Variants in TRHDE observed in about 807,000 individuals in gnomAD.
The protein encoded by TRHDE is thyrotropin releasing hormone degrading enzyme.
Under a neutral mutation model 125.7 loss-of-function variants are expected in TRHDE, and 72 were observed. The observed-to-expected ratio is 0.57, with a 90% CI of 0.47 to 0.70. The LOEUF is 0.70. Ranked by LOEUF, TRHDE falls within the 30% of genes least tolerant of loss-of-function variation. The pLI is 0.00. For missense variants in TRHDE, 1,110 were observed against 1,327.1 expected (o/e 0.84, Z 2.54); for synonymous variants, 509 against 509.1 (o/e 1.00, Z 0.00).
At chr12:72,574,012 T>TA (rs1014198675) in intron 10 of TRHDE, among the ~76,000 whole-genome samples, 1 of 151,994 alleles carries the variant, frequency 6.6e-6, no homozygotes, top group Non-Finnish European at 1.5e-5. Context: ...ACTGCAGATT[T>TA]AAAAAAATTG....
At chr12:72,101,855 G>A (rs763614801) in intron 1 of TRHDE, among the ~76,000 whole-genome samples, 3 of 152,102 alleles carry the variant, frequency 2.0e-5, no homozygotes, top group Non-Finnish European at 4.4e-5. Flanking sequence ...TGGGTACCCT[G>A]GAAAATAGTA....
intron 12 of TRHDE, among the ~76,000 whole-genome samples, chr12:72,591,055 G>A (rs1871651316): frequency 6.6e-6 from 1 of 152,206 alleles, no homozygotes; most frequent in Non-Finnish European, 1.5e-5. Context: ...CAAAGGAGGA[G>A]CAAAGGCATG....
intron 6 of TRHDE, among the ~76,000 whole-genome samples, chr12:72,520,617 T>A (rs1879149204): frequency 6.6e-6 from 1 of 152,198 alleles, no homozygotes; most frequent in Admixed American, 6.5e-5. Context: ...TTGCTCACGC[T>A]GGGAGCTGTA....
At chr12:72,310,051 G>A (rs140672485) in intron 2 of TRHDE, among the ~76,000 whole-genome samples, 40 of 152,270 alleles carry the variant, frequency 2.6e-4, no homozygotes, top group East Asian at 1.2e-3. Flanking sequence ...AGACTGGGCC[G>A]TATGTCCAGC....
chr12:72,424,331 A>G (rs1239068813), intron 3 of TRHDE, among the ~76,000 whole-genome samples: 1 of 152,080 alleles, frequency 6.6e-6, no homozygotes, highest in African/African-American at 2.4e-5. Context: ...TTCTTATAAG[A>G]ATATCAATCA....
intron 5 of TRHDE, among the ~76,000 whole-genome samples, chr12:72,483,487 T>G (rs1318645392): frequency 1.3e-5 from 2 of 152,024 alleles, no homozygotes; most frequent in Admixed American, 1.3e-4. Context: ...TTGTTATTAT[T>G]AGGTACTTAA....
intron 4 of TRHDE, among the ~76,000 whole-genome samples, chr12:72,471,264 C>T (rs558783830): frequency 1.3e-5 from 2 of 152,282 alleles, no homozygotes; most frequent in Non-Finnish European, 2.9e-5. Context: ...GTGTGTTCCT[C>T]ATCTCAGGCT....
At chr12:72,327,794 A>G (rs1869408539) in intron 2 of TRHDE, among the ~76,000 whole-genome samples, 1 of 152,050 alleles carries the variant, frequency 6.6e-6, no homozygotes, top group Admixed American at 6.6e-5. Flanking sequence ...CACCTAAGCT[A>G]TTTGATTACA....
At chr12:72,195,531 C>T (rs1877423952) in intron 2 of TRHDE, among the ~76,000 whole-genome samples, 1 of 151,992 alleles carries the variant, frequency 6.6e-6, no homozygotes, top group Admixed American at 6.6e-5. Flanking sequence ...ATATTGTTGG[C>T]CACTTGTATG....
rs373983805 is a variant in TRHDE, at chr12:72,273,543, C to A, written c.900C>A (p.Leu300=). 2.5e-6 allele frequency: 4 copies of A among 1,598,072 alleles called. No homozygotes were observed. The highest frequency in any genetic ancestry group is 3.4e-6 in the Non-Finnish European group (4 of 1,176,738). ...GCTTCTTCCGCAGCTCCTATGTGCTCCACGGGGAGAGAAGGTATGGAGGGA... is the reference window on the plus strand; with the variant it reads ...GCTTCTTCCGCAGCTCCTATGTGCTACACGGGGAGAGAAGGTATGGAGGGA... The part of the protein sequence containing the change: ...LLGFFRSSYV[L]HGERRFLGVT... Residue 300 remains leucine, a synonymous_variant, in exon 1 of 19, where the codon CTC becomes CTA. Transcript: ENST00000261180. This position sits in a 1 kb window ranked among gnomAD's most constrained non-coding sequence, Gnocchi z 5.3.
chr12:72,485,332 A>G (rs1347126687), intron 5 of TRHDE, among the ~76,000 whole-genome samples: 4 of 152,102 alleles, frequency 2.6e-5, no homozygotes, highest in African/African-American at 2.4e-5. Context: ...TGCCCCTGCA[A>G]TATGCCCACC....
intron 2 of TRHDE, among the ~76,000 whole-genome samples, chr12:72,224,110 CT>C (rs1565666588): frequency 3.9e-5 from 2 of 51,158 alleles, no homozygotes; most frequent in African/African-American, 1.5e-4. Flanking sequence ...ATCTATCTAT[CT>C]ATCTATCTAT....
At chr12:72,157,569 A>C (rs956011361) in intron 2 of TRHDE, among the ~76,000 whole-genome samples, 1 of 152,210 alleles carries the variant, frequency 6.6e-6, no homozygotes, top group South Asian at 2.1e-4. Flanking sequence ...TTGGATATGG[A>C]GTCTTAGAAA....
At chr12:72,161,229 T>C (rs550306682) in intron 2 of TRHDE, among the ~76,000 whole-genome samples, 15 of 152,250 alleles carry the variant, frequency 9.9e-5, no homozygotes, top group African/African-American at 3.6e-4. Flanking sequence ...GGTCAAGCGA[T>C]AGAGACGATC....
At position 72,256,601 on chromosome 12, in the gene TRHDE, C is replaced by T. The variant is rs921446558; in HGVS notation, n.280-121394C>T. Reference sequence around the variant, plus strand: ...TATGCCAAGAACAGTGCCTTGCACACGTTTGTTGCTTAATAAATATTTGTT... The same window carrying T: ...TATGCCAAGAACAGTGCCTTGCACATGTTTGTTGCTTAATAAATATTTGTT... On this transcript the variant is annotated intron_variant and non_coding_transcript_variant, in intron 2 of 4. Transcript: ENST00000548156. The T allele has an allele frequency of 3.3e-5, 5 of 152,012 alleles. 1 individual carries two copies. The highest frequency in any genetic ancestry group is 4.2e-4 in the South Asian group (2 of 4,814). 9.4% of individuals were successfully genotyped at this position (152,012 alleles called of 1,614,324 possible).
intron 5 of TRHDE, among the ~76,000 whole-genome samples, chr12:72,495,351 G>T (rs1046137138): frequency 6.6e-6 from 1 of 151,750 alleles, no homozygotes; most frequent in Non-Finnish European, 1.5e-5. Context: ...AAGCCATTAC[G>T]CCTGCTACTG....
In TRHDE at chr12:72,273,702, A is replaced by C; in HGVS notation, c.914+145A>C. 1 of 742,810 alleles carries C rather than the reference A, an allele frequency of 1.3e-6. No homozygotes were observed. Among genetic ancestry groups the C allele is most frequent in the East Asian group, 2.6e-5 (1 of 39,044 alleles). 46.0% of individuals were successfully genotyped at this position (742,810 alleles called of 1,614,324 possible). Reference sequence around the variant, plus strand: ...GAAGGAAACGAAAGCGGAGTAGGGCAGTCAGAACTCCGGGGTCTCCCAGAT... The same window carrying C: ...GAAGGAAACGAAAGCGGAGTAGGGCCGTCAGAACTCCGGGGTCTCCCAGAT... On this transcript the variant is annotated intron_variant, in intron 1 of 18. Transcript: ENST00000261180. This position sits in a 1 kb window ranked among gnomAD's most constrained non-coding sequence, Gnocchi z 5.3.
At chr12:72,337,355 CT>C (rs1003599527) in intron 2 of TRHDE, among the ~76,000 whole-genome samples, 7 of 152,188 alleles carry the variant, frequency 4.6e-5, no homozygotes, top group African/African-American at 1.7e-4. Context: ...GGCACTCACC[CT>C]TCTGGTGCTT....
At chr12:72,402,540 C>T (rs140126846) in intron 3 of TRHDE, among the ~76,000 whole-genome samples, 9 of 152,206 alleles carry the variant, frequency 5.9e-5, no homozygotes, top group African/African-American at 2.2e-4. Context: ...GGGTCTGTCC[C>T]TTTGTCAAAA....
Sources: gnomAD v4.1 joint callset for allele counts (sites outside exome capture counted in the v4.1 genomes callset) on GRCh38, gnomAD v4.1.1 for gene constraint, Gnocchi (gnomAD v3.1) non-coding constraint, MANE v1.5 for transcripts, NCBI Gene and HGNC (gene_info 2026-07-23, HGNC 2026-07-21) for gene names.